Variants in TNPO3 observed in about 807,000 individuals in gnomAD.
The protein encoded by TNPO3 is transportin 3, also known as transportin-3.
In TNPO3, 65 loss-of-function variants were observed where a neutral mutation model predicts 122.8. The observed-to-expected ratio is 0.53, with a 90% CI of 0.43 to 0.65. The LOEUF is 0.65. TNPO3 is among the 30% of genes least tolerant of loss of function. The pLI, the probability that TNPO3 is intolerant of heterozygous loss-of-function variation, is 0.00. For missense variants in TNPO3, 850 were observed against 1,136.7 expected (o/e 0.75, Z 3.63); for synonymous variants, 372 against 411.2 (o/e 0.90, Z 1.15).
At chr7:129,043,283 G>A (rs1331983267) in intron 1 of TNPO3, among the ~76,000 whole-genome samples, 1 of 151,576 alleles carries the variant, frequency 6.6e-6, no homozygotes, top group East Asian at 1.9e-4. Flanking sequence ...CGCACCTTTG[G>A]TCTCAGCTTC....
intron 19 of TNPO3, 70 bp downstream of exon 19, chr7:128,972,356 C>G: frequency 6.6e-7 from 1 of 1,515,192 alleles, no homozygotes; most frequent in Non-Finnish European, 8.9e-7. Context: ...TGCTGGTTTT[C>G]TCCTAAGGAA....
chr7:129,000,746 C>T (rs866752893), intron 6 of TNPO3, among the ~76,000 whole-genome samples, 179 bp from the exon 7 acceptor site: 5 of 152,160 alleles, frequency 3.3e-5, no homozygotes, highest in Admixed American at 1.3e-4. Context: ...TACACTCCTA[C>T]GCAAGTGACT....
At chr7:128,967,460 A>G (rs1798033939) in intron 20 of TNPO3, 68 bp from the exon 21 acceptor site, 2 of 1,018,072 alleles carry the variant, frequency 2.0e-6, no homozygotes, top group African/African-American at 3.2e-5. Context: ...CCCTACAGAT[A>G]CTAACAAAAC....
At chr7:129,019,543 T>C (rs1466638738) in intron 1 of TNPO3, among the ~76,000 whole-genome samples, 1 of 152,168 alleles carries the variant, frequency 6.6e-6, no homozygotes, top group East Asian at 1.9e-4. Flanking sequence ...TAATTACAGA[T>C]TTACTGACAT....
intron 7 of TNPO3, among the ~76,000 whole-genome samples, chr7:128,998,309 G>A (rs1015657565): frequency 5.9e-5 from 9 of 152,096 alleles, no homozygotes; most frequent in Non-Finnish European, 1.3e-4. Context: ...ACAGTGAGCT[G>A]TGATTGCACC....
intron 22 of TNPO3, among the ~76,000 whole-genome samples, chr7:128,956,062 A>T (rs1321709227): frequency 1.3e-5 from 2 of 152,366 alleles, no homozygotes; most frequent in Admixed American, 1.3e-4. Context: ...GCACAATAAA[A>T]GTTAACCATG....
chr7:128,958,071 AAC>A (rs1269660115), intron 21 of TNPO3, among the ~76,000 whole-genome samples: 1 of 151,724 alleles, frequency 6.6e-6, no homozygotes, highest in Non-Finnish European at 1.5e-5. Context: ...CTGTCTTCAT[AAC>A]AGTTTTTGCT....
At chr7:129,017,172 C>A (rs1459289537) in intron 2 of TNPO3, 116 bp from the exon 3 acceptor site, 2 of 933,536 alleles carry the variant, frequency 2.1e-6, no homozygotes, top group East Asian at 5.1e-5. Flanking sequence ...TAAGACTAAC[C>A]CCCTTCCCCC....
At chr7:129,014,746 A>G (rs929864237) in intron 4 of TNPO3, among the ~76,000 whole-genome samples, 1 of 152,226 alleles carries the variant, frequency 6.6e-6, no homozygotes, top group Non-Finnish European at 1.5e-5. Context: ...GTGTAACTCT[A>G]AAGTCCATTT....
upstream of TNPO3, chr7:129,056,033 G>T: frequency 8.9e-7 from 1 of 1,121,782 alleles, no homozygotes; most frequent in South Asian, 1.3e-5. Flanking sequence ...CGCCCTCCAG[G>T]AAGTTCTTCG....
At chr7:128,964,115 T>C (rs1394838613) in intron 21 of TNPO3, among the ~76,000 whole-genome samples, 2 of 152,148 alleles carry the variant, frequency 1.3e-5, no homozygotes, top group Non-Finnish European at 2.9e-5. Context: ...CACTGAAAAC[T>C]ACAAAATGTA....
At chr7:128,981,483 G>T (rs1224174408) in intron 14 of TNPO3, among the ~76,000 whole-genome samples, 2 of 152,094 alleles carry the variant, frequency 1.3e-5, no homozygotes, top group Non-Finnish European at 2.9e-5. Context: ...TACAGCGATG[G>T]TTCTGAAAGT....
At position 128,984,278 on chromosome 7, in the gene TNPO3, T is replaced by C. The variant is rs1306285931; in HGVS notation, c.1691-19A>G. The C allele has an allele frequency of 1.3e-6, 2 of 1,585,102 alleles. No homozygotes were observed. Among genetic ancestry groups the C allele is most frequent in the Non-Finnish European group, 8.6e-7 (1 of 1,160,752 alleles). On this transcript the variant is annotated intron_variant, in intron 12 of 22. Coordinates refer to ENST00000265388, the MANE Select transcript of TNPO3 (RefSeq NM_012470.4). ...GCTGTCCCTGAAAAACAAAGGAAGA[T>C]ACAAATGAAAAATAAACGCTGAATT...
At chr7:129,005,875 T>A (rs1320792389) in intron 4 of TNPO3, among the ~76,000 whole-genome samples, 1 of 149,446 alleles carries the variant, frequency 6.7e-6, no homozygotes, top group Non-Finnish European at 1.5e-5. Flanking sequence ...TCCACCTCCC[T>A]GGTTCAAGCA....
intron 1 of TNPO3, among the ~76,000 whole-genome samples, chr7:129,040,326 G>A (rs1807219956): frequency 2.0e-5 from 3 of 151,320 alleles, no homozygotes; most frequent in Non-Finnish European, 4.4e-5. Flanking sequence ...ACCATTAAAC[G>A]GTATACTTTA....
chr7:128,955,255 C>CT lies in TNPO3; in HGVS notation c.*161dup, dbSNP rs1796788708. On this transcript the variant is annotated 3_prime_UTR_variant, in exon 23 of 23. Transcript: ENST00000265388. The stretch of plus-strand genomic sequence containing the variant: ...AACTCCTCAGGATGGCCTCAGAAGG[C>CT]TGGAGTCTCTCCCTGTCTGGCGGGA... The CT allele has an allele frequency of 2.2e-6, 1 of 452,986 alleles. No homozygotes were observed. Among genetic ancestry groups the CT allele is most frequent in the Non-Finnish European group, 4.4e-6 (1 of 226,278 alleles). The allele number at this position is 452,986 out of a possible 1,614,324, so 28.1% of individuals were successfully genotyped here.
At chr7:128,986,506 G>GC (rs2150338501) in intron 12 of TNPO3, among the ~76,000 whole-genome samples, 1 of 152,246 alleles carries the variant, frequency 6.6e-6, no homozygotes, top group African/African-American at 2.4e-5. Flanking sequence ...TATATATACC[G>GC]CAAGTAGTAT....
chr7:129,014,873 T>C (rs1245355152), intron 4 of TNPO3, 106 bp downstream of exon 4: 19 of 1,132,798 alleles, frequency 1.7e-5, no homozygotes, highest in Non-Finnish European at 2.2e-5. Flanking sequence ...AGCATCATCA[T>C]TAAATTTTGC....
At chr7:129,035,167 G>A (rs1806475708) in intron 1 of TNPO3, among the ~76,000 whole-genome samples, 4 of 151,954 alleles carry the variant, frequency 2.6e-5, no homozygotes, top group African/African-American at 4.8e-5. Flanking sequence ...CCAGCTACTC[G>A]GGAGGCTGAG....
Sources: gnomAD v4.1 joint callset for allele counts (sites outside exome capture counted in the v4.1 genomes callset) on GRCh38, gnomAD v4.1.1 for gene constraint, MANE v1.5 for transcripts, NCBI Gene and HGNC (gene_info 2026-07-23, HGNC 2026-07-21) for gene names.